ARHGAP44: variants seen among roughly 807,000 people sequenced by gnomAD.
ARHGAP44 encodes rho GTPase-activating protein 44.
Under a neutral mutation model 106.8 loss-of-function variants are expected in ARHGAP44, and 43 were observed. That is an observed-to-expected ratio of 0.40 (90% CI 0.32 to 0.52). The LOEUF (loss-of-function observed/expected upper bound fraction) is 0.52. Among genes scored for constraint, ARHGAP44 ranks in the 20% least tolerant of loss-of-function variants. The pLI is 0.48. For synonymous variants in ARHGAP44, 439 were observed against 410.3 expected, an observed-to-expected ratio of 1.07 and a Z score of -0.85; for missense variants, 866 against 1,050.5, an observed-to-expected ratio of 0.82 and a Z score of 2.43.
intron 1 of ARHGAP44, among the ~76,000 whole-genome samples, chr17:12,805,371 G>A (rs2034241652): frequency 6.6e-6 from 1 of 152,196 alleles, no homozygotes; most frequent in Admixed American, 6.5e-5. Context: ...TATCAAGAGT[G>A]TGAAGAAGAC....
intron 1 of ARHGAP44, among the ~76,000 whole-genome samples, chr17:12,871,320 T>C (rs996702730): frequency 1.3e-5 from 2 of 151,988 alleles, no homozygotes; most frequent in South Asian, 2.1e-4. Flanking sequence ...TTTCGCACCA[T>C]CCCCCTTGGT....
intron 1 of ARHGAP44, among the ~76,000 whole-genome samples, chr17:12,859,711 T>C (rs1001185859): frequency 1.4e-4 from 22 of 152,140 alleles, no homozygotes; most frequent in African/African-American, 5.1e-4. Context: ...GCAAAAACGA[T>C]TGCCAGGAAG....
intron 10 of ARHGAP44, among the ~76,000 whole-genome samples, chr17:12,948,102 G>A (rs969321406): frequency 5.3e-5 from 8 of 152,198 alleles, no homozygotes; most frequent in Non-Finnish European, 1.2e-4. Flanking sequence ...AACAGAAACC[G>A]ATAGGTCTTT....
At chr17:12,845,517 A>AAAAAAAAC (rs1555546592) in intron 1 of ARHGAP44, among the ~76,000 whole-genome samples, 9 of 141,996 alleles carry the variant, frequency 6.3e-5, no homozygotes, top group East Asian at 2.1e-4. Flanking sequence ...AAAAAAAAAA[A>AAAAAAAAC]AAAAACAAAA....
At chr17:12,871,816 A>G (rs1049735482) in intron 1 of ARHGAP44, among the ~76,000 whole-genome samples, 3 of 152,000 alleles carry the variant, frequency 2.0e-5, no homozygotes, top group Admixed American at 1.3e-4. Context: ...TGCTCCTTCC[A>G]TGTAAGATGT....
intron 1 of ARHGAP44, among the ~76,000 whole-genome samples, chr17:12,824,908 A>G (rs1390212865): frequency 2.0e-5 from 3 of 151,328 alleles, no homozygotes; most frequent in Admixed American, 6.6e-5. Context: ...TTTGGGGAAG[A>G]TTTTCCGTAG....
chr17:12,812,522 T>C (rs1487948098), intron 1 of ARHGAP44, among the ~76,000 whole-genome samples: 1 of 152,234 alleles, frequency 6.6e-6, no homozygotes, highest in Non-Finnish European at 1.5e-5. Flanking sequence ...CATCTATAGA[T>C]GAATTTTACC....
At chr17:12,824,563 C>A (rs1156758889) in intron 1 of ARHGAP44, among the ~76,000 whole-genome samples, 1 of 152,088 alleles carries the variant, frequency 6.6e-6, no homozygotes, top group African/African-American at 2.4e-5. Context: ...ACCCTACTTT[C>A]TTTTTCTAAT....
chr17:12,920,192 G>A (rs1177751054), intron 6 of ARHGAP44, among the ~76,000 whole-genome samples: 2 of 152,020 alleles, frequency 1.3e-5, no homozygotes, highest in Admixed American at 6.5e-5. Flanking sequence ...TGGCTAACAT[G>A]GTGAAACCCT....
At chr17:12,904,026 G>A (rs1014905003) in intron 3 of ARHGAP44, among the ~76,000 whole-genome samples, 1 of 152,168 alleles carries the variant, frequency 6.6e-6, no homozygotes, top group Non-Finnish European at 1.5e-5. Context: ...CTTACGTACT[G>A]TCTTTGATTA....
In ARHGAP44 at chr17:12,980,050, C is replaced by T. The variant is rs184759546; in HGVS notation, c.1764-8C>T. 1.5e-3 allele frequency: 2,429 copies of T among 1,594,770 alleles called. 5 individuals carry two copies. The highest frequency in any genetic ancestry group is 1.9e-3 in the Non-Finnish European group (2,245 of 1,169,536). ...GCTTTTCTTTTGTCTCATGTGCTTT[C>T]GTTTCAGCACAACAAAAAGCAAGGA... On this transcript the variant is annotated splice_region_variant and splice_polypyrimidine_tract_variant and intron_variant, in intron 18 of 20. Transcript: ENST00000379672.
chr17:12,818,181 G>T (rs1488010506), intron 1 of ARHGAP44, among the ~76,000 whole-genome samples: 1 of 151,568 alleles, frequency 6.6e-6, no homozygotes, highest in African/African-American at 2.4e-5. Context: ...TGTATGGTTG[G>T]GCCAACATTC....
intron 1 of ARHGAP44, among the ~76,000 whole-genome samples, chr17:12,857,501 C>G (rs1160930932): frequency 6.6e-6 from 1 of 152,092 alleles, no homozygotes; most frequent in Non-Finnish European, 1.5e-5. Context: ...TCATGGGAGC[C>G]CCATCCTGAT....
In ARHGAP44 at chr17:12,847,769, T is replaced by G. The variant is rs535680279; in HGVS notation, c.54-47171T>G. Among the ~76,000 whole-genome samples, 685 of 152,018 alleles carry G rather than the reference T, an allele frequency of 4.5e-3. 5 individuals carry two copies. Among genetic ancestry groups the G allele is most frequent in the African/African-American group, 0.016 (654 of 41,442 alleles). Reference sequence around the variant, plus strand: ...ATCCGCCCGCCTCGGCCTCCCAAAGTGCTGGGATTACAGGCGTGAGCCACC... The same window carrying G: ...ATCCGCCCGCCTCGGCCTCCCAAAGGGCTGGGATTACAGGCGTGAGCCACC... On this transcript the variant is annotated intron_variant, in intron 1 of 20. Transcript: ENST00000379672.
At chr17:12,977,431 A>C (rs1598152797) in intron 18 of ARHGAP44, among the ~76,000 whole-genome samples, 3 of 149,328 alleles carry the variant, frequency 2.0e-5, no homozygotes, top group Non-Finnish European at 4.5e-5. Context: ...CCACCTTCCC[A>C]CTCCCTACCC....
At chr17:12,895,914 A>T (rs888659056) in intron 2 of ARHGAP44, among the ~76,000 whole-genome samples, 1 of 152,206 alleles carries the variant, frequency 6.6e-6, no homozygotes, top group Non-Finnish European at 1.5e-5. Context: ...ATGGAATACT[A>T]TGCAGCCATA....
chr17:12,918,935 G>A (rs1363631133), intron 5 of ARHGAP44, among the ~76,000 whole-genome samples: 1 of 152,188 alleles, frequency 6.6e-6, no homozygotes, highest in Non-Finnish European at 1.5e-5. Flanking sequence ...TGGAGAGCCT[G>A]GCTGGTGTCC....
intron 1 of ARHGAP44, among the ~76,000 whole-genome samples, chr17:12,815,611 G>C (rs1306464894): frequency 6.6e-6 from 1 of 152,112 alleles, no homozygotes; most frequent in Non-Finnish European, 1.5e-5. Context: ...TAAGAAATTG[G>C]CTCCAAATCA....
At chr17:12,877,621 G>T (rs1410035427) in intron 1 of ARHGAP44, among the ~76,000 whole-genome samples, 1 of 152,058 alleles carries the variant, frequency 6.6e-6, no homozygotes, top group East Asian at 1.9e-4. Flanking sequence ...GAGGTGGCGG[G>T]CGTCTGTAGT....
Sources: allele counts gnomAD v4.1 joint callset (sites outside exome capture counted in the v4.1 genomes callset), GRCh38; gene constraint gnomAD v4.1.1; transcripts MANE v1.5; gene names NCBI Gene and HGNC (gene_info 2026-07-23, HGNC 2026-07-21).